The following MAPT variants were observed in gnomAD, a reference collection of about 807,000 sequenced individuals.
The protein encoded by MAPT is microtubule associated protein tau, also known as microtubule-associated protein tau.
Under a neutral mutation model 67.9 loss-of-function variants are expected in MAPT, and 34 were observed. The observed-to-expected ratio is 0.50, with a 90% confidence interval of 0.38 to 0.67. The LOEUF is 0.67. Ranked by LOEUF, MAPT falls within the 30% of genes least tolerant of loss-of-function variation. The pLI is 0.00. For missense variants in MAPT, 881 were observed against 1,115.2 expected (o/e 0.79, Z 2.99); for synonymous variants, 456 against 464.5 (o/e 0.98, Z 0.23).
chr17:45,960,015 T>C (rs1568236301), intron 1 of MAPT, among the ~76,000 whole-genome samples: 1 of 152,194 alleles, frequency 6.6e-6, no homozygotes, highest in Non-Finnish European at 1.5e-5. Flanking sequence ...AGTAGCATAA[T>C]TGCAACTATA....
At chr17:46,000,827 C>G (rs994059597) in intron 9 of MAPT, among the ~76,000 whole-genome samples, 2 of 152,262 alleles carry the variant, frequency 1.3e-5, no homozygotes. Context: ...CAGACCCAGC[C>G]AGGCCAGCCC....
intron 9 of MAPT, among the ~76,000 whole-genome samples, chr17:46,004,526 A>G (rs1171861362): frequency 6.6e-6 from 1 of 152,162 alleles, no homozygotes; most frequent in African/African-American, 2.4e-5. Flanking sequence ...GCTGAAGTGT[A>G]ATATATATGT....
At chr17:45,980,808 C>T (rs945467800) in intron 4 of MAPT, among the ~76,000 whole-genome samples, 4 of 152,200 alleles carry the variant, frequency 2.6e-5, no homozygotes, top group African/African-American at 9.6e-5. Flanking sequence ...AGCATAGGGG[C>T]AGCCCCTGCC....
intron 1 of MAPT, chr17:45,898,333 C>T (rs533942203): frequency 3.9e-5 from 6 of 152,286 alleles, no homozygotes; most frequent in Admixed American, 3.3e-4. Context: ...ATTGCTCCTC[C>T]GACAGGAACA....
intron 3 of MAPT, chr17:45,976,372 G>A (rs1311118071): frequency 6.6e-6 from 1 of 152,126 alleles, no homozygotes; most frequent in African/African-American, 2.4e-5. Flanking sequence ...TGTGATGGGG[G>A]GTGGCCATGT....
Position 46,026,360 on chromosome 17 carries a change from C to T in MAPT, c.*2189C>T, listed in dbSNP as rs1274192661. On this transcript the variant is annotated 3_prime_UTR_variant, in exon 13 of 13. Coordinates refer to ENST00000262410, the MANE Select transcript of MAPT (RefSeq NM_001377265.1). The stretch of plus-strand genomic sequence containing the variant: ...AGCGATGATGTCCCCTTCCCTACTT[C>T]CCCTTGGGGCTCCCTGTGTCAGGGC... 1 of 152,660 alleles carries T rather than the reference C, an allele frequency of 6.6e-6. No individual in the cohort carries two copies. Among genetic ancestry groups the T allele is most frequent in the Non-Finnish European group, 1.5e-5 (1 of 68,142 alleles). The allele number at this position is 152,660 out of a possible 1,614,324, so 9.5% of individuals were successfully genotyped here.
At chr17:45,976,275 C>A (rs2072335884) in intron 3 of MAPT, 1 of 152,312 alleles carries the variant, frequency 6.6e-6, no homozygotes, top group Non-Finnish European at 1.5e-5. Flanking sequence ...TTGGTGGGGC[C>A]CTGACCACAG....
At chr17:45,904,350 T>C (rs1404195042) in intron 1 of MAPT, among the ~76,000 whole-genome samples, 2 of 91,066 alleles carry the variant, frequency 2.2e-5, no homozygotes, top group Non-Finnish European at 4.3e-5. Flanking sequence ...ATATATATTA[T>C]ATATATTATA....
chr17:45,918,793 C>T (rs773978384), intron 1 of MAPT, among the ~76,000 whole-genome samples: 1 of 152,196 alleles, frequency 6.6e-6, no homozygotes, highest in Non-Finnish European at 1.5e-5. Context: ...TGCGGTGGCT[C>T]ACGCCTGTAA....
intron 1 of MAPT, among the ~76,000 whole-genome samples, chr17:45,916,707 A>C (rs896088229): frequency 3.9e-5 from 6 of 152,206 alleles, no homozygotes; most frequent in Non-Finnish European, 8.8e-5. Context: ...TTACATTGAG[A>C]AAAGTCTGCA....
intron 9 of MAPT, among the ~76,000 whole-genome samples, chr17:45,998,859 G>T (rs1310545077): frequency 6.6e-6 from 1 of 151,970 alleles, no homozygotes; most frequent in African/African-American, 2.4e-5. Context: ...TCTCCAGGGT[G>T]CCTGGCCTTG....
intron 10 of MAPT, 122 bp from the exon 11 acceptor site, chr17:46,014,121 T>C (rs1271256859): frequency 1.4e-6 from 1 of 712,476 alleles, no homozygotes; most frequent in Non-Finnish European, 2.6e-6. Flanking sequence ...GGGCCTGGGC[T>C]TACACAGCTG....
At chr17:45,903,302 T>A (rs2063739063) in intron 1 of MAPT, among the ~76,000 whole-genome samples, 1 of 152,140 alleles carries the variant, frequency 6.6e-6, no homozygotes, top group South Asian at 2.1e-4. Context: ...GATTTGCAGG[T>A]CATTTCAGTG....
intron 4 of MAPT, among the ~76,000 whole-genome samples, chr17:45,981,693 G>A (rs1259410882): frequency 1.3e-5 from 2 of 152,140 alleles, no homozygotes; most frequent in African/African-American, 2.4e-5. Context: ...TGGGCTTGAG[G>A]CGGGGTTTGT....
Position 45,996,769 on chromosome 17 carries a change from G to A in MAPT, c.1998+105G>A, listed in dbSNP as rs974668430. ...CGCCTGGAGGTGCGCGGTTGAGCGTGGAGTCGTGGGACTGTGCATGGAGGT... is the reference window on the plus strand; with the variant it reads ...CGCCTGGAGGTGCGCGGTTGAGCGTAGAGTCGTGGGACTGTGCATGGAGGT... On this transcript the variant is annotated intron_variant, in intron 9 of 12. Coordinates refer to ENST00000262410, the MANE Select transcript of MAPT (RefSeq NM_001377265.1). This position sits in a 1 kb window ranked among gnomAD's most constrained non-coding sequence, Gnocchi z 4.5. 2.7e-6 allele frequency: 4 copies of A among 1,475,308 alleles called. No individual in the cohort carries two copies. Among genetic ancestry groups the A allele is most frequent in the Non-Finnish European group, 3.7e-6 (4 of 1,095,128 alleles). The allele number at this position is 1,475,308 out of a possible 1,614,324, so 91.4% of individuals were successfully genotyped here.
At chr17:45,990,475 G>C (rs750234351) in intron 7 of MAPT, 1 of 450,730 alleles carries the variant, frequency 2.2e-6, no homozygotes, top group Admixed American at 2.5e-5. Flanking sequence ...TTAGCCGGGC[G>C]TGGTGGTATG....
rs899291077 is a variant in MAPT, at chr17:45,982,962, C to T, written c.383C>T (p.Ala128Val). 3 of 1,432,836 alleles carry T rather than the reference C, an allele frequency of 2.1e-6. No individual in the cohort carries two copies. Among genetic ancestry groups the T allele is most frequent in the Non-Finnish European group, 2.7e-6 (3 of 1,097,362 alleles). The allele number at this position is 1,432,836 out of a possible 1,614,324, so 88.8% of individuals were successfully genotyped here. ...AHVQPGPCGE[A>V]SGVSGPCLGE... ...GTCCAGCCTGGACCCTGCGGAGAGG[C>T]CTCTGGGGTCTCTGGGCCGTGCCTC... Residue 128 changes from alanine (A) to valine (V), a missense_variant, in exon 5 of 13, where the codon GCC becomes GTC. Transcript: ENST00000262410.
At chr17:45,969,092 A>C (rs1335519832) in intron 2 of MAPT, 2 of 152,228 alleles carry the variant, frequency 1.3e-5, no homozygotes, top group Non-Finnish European at 2.9e-5. Context: ...AGCCATGAAT[A>C]GGACAATTAG....
chr17:45,969,503 C>G (rs2071420553), intron 2 of MAPT, among the ~76,000 whole-genome samples: 1 of 151,110 alleles, frequency 6.6e-6, no homozygotes. Flanking sequence ...ATTATACATA[C>G]ATCCAATCAT....
Sources: allele counts gnomAD v4.1 joint callset (sites outside exome capture counted in the v4.1 genomes callset), GRCh38; gene constraint gnomAD v4.1.1; non-coding constraint Gnocchi (gnomAD v3.1); transcripts MANE v1.5; gene names NCBI Gene and HGNC (gene_info 2026-07-23, HGNC 2026-07-21).